ADAMTSL1: variants seen among roughly 807,000 people sequenced by gnomAD.
ADAMTSL1 encodes ADAMTS like 1.
A neutral mutation model predicts 201.8 loss-of-function variants in ADAMTSL1; 126 were observed. That is an observed-to-expected ratio of 0.62 (90% CI 0.54 to 0.72). ADAMTSL1 has a LOEUF of 0.72. Ranked by LOEUF, ADAMTSL1 falls within the 30% of genes least tolerant of loss-of-function variation. ADAMTSL1 has a pLI of 0.00. For synonymous variants in ADAMTSL1, 1,121 were observed against 903.4 expected, an observed-to-expected ratio of 1.24 and a Z score of -4.32; for missense variants, 2,679 against 2,277.8, an observed-to-expected ratio of 1.18 and a Z score of -3.59.
At chr9:18,514,319 TTTTC>T (rs202026152) in intron 2 of ADAMTSL1, among the ~76,000 whole-genome samples, 1 of 143,582 alleles carries the variant, frequency 7.0e-6, no homozygotes, top group Non-Finnish European at 1.5e-5. Flanking sequence ...TGCAACTGAT[TTTTC>T]TTTCTTTTTT....
At chr9:17,987,982 A>C (rs1284867292) in intron 1 of ADAMTSL1, among the ~76,000 whole-genome samples, 1 of 152,052 alleles carries the variant, frequency 6.6e-6, no homozygotes, top group African/African-American at 2.4e-5. Flanking sequence ...GCTATGACAA[A>C]CGTGTTTTGG....
At chr9:18,206,748 T>G (rs1419048153) in intron 2 of ADAMTSL1, among the ~76,000 whole-genome samples, 2 of 152,200 alleles carry the variant, frequency 1.3e-5, no homozygotes, top group East Asian at 3.8e-4. Flanking sequence ...ATTACTTATT[T>G]TGCGTTCCTG....
intron 19 of ADAMTSL1, 135 bp downstream of exon 19, chr9:18,778,041 G>A (rs1395619590): frequency 3.6e-6 from 4 of 1,108,598 alleles, no homozygotes; most frequent in Middle Eastern, 2.8e-4. Context: ...CCATCATGGG[G>A]TGCAGGCCCT....
intron 1 of ADAMTSL1, among the ~76,000 whole-genome samples, chr9:18,148,556 G>C (rs369999405): frequency 1.3e-4 from 20 of 152,058 alleles, no homozygotes; most frequent in Non-Finnish European, 2.2e-4. Flanking sequence ...AAATTACAAA[G>C]TTCTACAGAA....
intron 23 of ADAMTSL1, among the ~76,000 whole-genome samples, chr9:18,845,221 C>T (rs1371663634): frequency 6.6e-6 from 1 of 152,254 alleles, no homozygotes; most frequent in Non-Finnish European, 1.5e-5. Context: ...TGAGCAAGCT[C>T]CCATGCCTCC....
At chr9:18,054,563 A>T (rs187377799) in intron 1 of ADAMTSL1, among the ~76,000 whole-genome samples, 1 of 152,318 alleles carries the variant, frequency 6.6e-6, no homozygotes, top group East Asian at 1.9e-4. Context: ...CTATTAGGCC[A>T]GGTCGACATG....
intron 1 of ADAMTSL1, among the ~76,000 whole-genome samples, chr9:18,010,111 C>T (rs1465737622): frequency 6.6e-6 from 1 of 152,014 alleles, no homozygotes. Context: ...ATACCAATCA[C>T]TGTACAGTGA....
intron 15 of ADAMTSL1, among the ~76,000 whole-genome samples, chr9:18,735,897 TAAAA>T (rs5896803): frequency 2.1e-5 from 3 of 143,742 alleles, no homozygotes; most frequent in Admixed American, 6.9e-5. Flanking sequence ...TCTCTCAAAT[TAAAA>T]AAAAAAAAAA....
intron 1 of ADAMTSL1, among the ~76,000 whole-genome samples, chr9:17,971,839 C>G (rs1311488626): frequency 1.3e-5 from 2 of 151,838 alleles, no homozygotes; most frequent in East Asian, 3.9e-4. Flanking sequence ...GGGAAAAAGA[C>G]AACTTAAAGC....
At position 18,713,755 on chromosome 9, in the gene ADAMTSL1, G is replaced by C. The variant is rs1043010682; in HGVS notation, c.1876+6707G>C. ...AGCTCTGCACCAAGCGGACCTAATA[G>C]ACATCTACAGAACTCTCCACCCCAA... On this transcript the variant is annotated intron_variant, in intron 14 of 28. Coordinates refer to ENST00000380548, the MANE Select transcript of ADAMTSL1 (RefSeq NM_001040272.6). Among the ~76,000 whole-genome samples the C allele has an allele frequency of 1.5e-3, 224 of 149,202 alleles. 1 individual carries two copies. Among genetic ancestry groups the C allele is most frequent in the African/African-American group, 5.1e-3 (208 of 40,738 alleles).
At chr9:17,963,646 C>T (rs111357304) in intron 1 of ADAMTSL1, among the ~76,000 whole-genome samples, 55 of 152,168 alleles carry the variant, frequency 3.6e-4, no homozygotes, top group African/African-American at 1.3e-3. Flanking sequence ...AGCAGCTTCC[C>T]GTTTTTTAAT....
At chr9:18,303,285 T>A (rs1005533942) in intron 2 of ADAMTSL1, among the ~76,000 whole-genome samples, 3 of 152,192 alleles carry the variant, frequency 2.0e-5, no homozygotes, top group Non-Finnish European at 4.4e-5. Flanking sequence ...CTGCCTCAAG[T>A]TGGATTGCCT....
chr9:18,825,661 G>C (rs187411659), intron 21 of ADAMTSL1, among the ~76,000 whole-genome samples: 3 of 151,962 alleles, frequency 2.0e-5, no homozygotes, highest in East Asian at 3.9e-4. Flanking sequence ...ACCAGCCCCC[G>C]GTCAAGACAC....
At chr9:18,065,985 CAAAAAAAAAAAAAAAAAA>C (rs34179730) in intron 1 of ADAMTSL1, among the ~76,000 whole-genome samples, 6 of 38,134 alleles carry the variant, frequency 1.6e-4, no homozygotes, top group East Asian at 1.1e-3. Flanking sequence ...GACTCCATCT[CAAAAAAAAAAAAAAAAAA>C]AAAAAAAAAA....
At chr9:18,877,873 C>T (rs1391947151) in intron 23 of ADAMTSL1, among the ~76,000 whole-genome samples, 2 of 152,074 alleles carry the variant, frequency 1.3e-5, no homozygotes, top group Non-Finnish European at 1.5e-5. Flanking sequence ...CTACCAGGGC[C>T]GGTAGAGAAA....
chr9:18,752,485 C>T (rs577039540), intron 15 of ADAMTSL1, among the ~76,000 whole-genome samples: 1 of 152,214 alleles, frequency 6.6e-6, no homozygotes, highest in Admixed American at 6.5e-5. Context: ...ATGCTTCTGA[C>T]GTACAGCCTG....
chr9:18,310,196 A>T (rs58992443), intron 2 of ADAMTSL1, among the ~76,000 whole-genome samples: 10,376 of 151,762 alleles, frequency 0.068, 1,155 homozygotes, highest in African/African-American at 0.23. Flanking sequence ...TCAAGATGGT[A>T]TAAACACTTA....
intron 2 of ADAMTSL1, among the ~76,000 whole-genome samples, chr9:18,241,055 T>G (rs72684951): frequency 0.033 from 5,090 of 152,262 alleles, 128 homozygotes; most frequent in Non-Finnish European, 0.054. Flanking sequence ...CATATCGTCA[T>G]TATGGCTGTT....
intron 14 of ADAMTSL1, 56 bp downstream of exon 14, chr9:18,707,104 T>A: frequency 6.4e-7 from 1 of 1,564,792 alleles, no homozygotes. Context: ...ATTTTCTCTC[T>A]CTGCATGCAG....
Sources: allele counts gnomAD v4.1 joint callset (sites outside exome capture counted in the v4.1 genomes callset), GRCh38; gene constraint gnomAD v4.1.1; transcripts MANE v1.5; gene names NCBI Gene and HGNC (gene_info 2026-07-23, HGNC 2026-07-21).